The following ABCA3 variants were observed in gnomAD, a reference collection of about 807,000 sequenced individuals.
ABCA3 encodes ATP binding cassette subfamily A member 3, also known as phospholipid-transporting ATPase ABCA3.
ABCA3 carries 88 observed loss-of-function variants against 172.8 expected under a neutral mutation model. The ratio of observed to expected loss-of-function variants is 0.51; its 90% CI spans 0.43 to 0.61. The LOEUF (loss-of-function observed/expected upper bound fraction) is 0.61, where lower values mean the gene tolerates loss of function less well. Ranked by LOEUF, ABCA3 falls within the 20% of genes least tolerant of loss-of-function variation. ABCA3 has a pLI of 0.00. For synonymous variants in ABCA3, 1,066 were observed against 983.8 expected (o/e 1.08, Z -1.56); for missense variants, 2,164 against 2,301.0 (o/e 0.94, Z 1.22).
At chr16:2,316,290 C>T (rs115464529) in intron 10 of ABCA3, among the ~76,000 whole-genome samples, 1 of 87,258 alleles carries the variant, frequency 1.1e-5, no homozygotes, top group Non-Finnish European at 2.2e-5. Flanking sequence ...GCCTGGGCAA[C>T]AGAACAAGAG....
chr16:2,285,712 C>A lies in ABCA3; in HGVS notation c.3279-66G>T. On this transcript the variant is annotated intron_variant, in intron 22 of 32. Coordinates refer to ENST00000301732, the MANE Select transcript of ABCA3 (RefSeq NM_001089.3). This position sits in a 1 kb window ranked among gnomAD's most constrained non-coding sequence, Gnocchi z 4.7. ...TCTGGGTGGCAGGAGAGGTCGGGTT[C>A]TCGGTTATGACCGCCCAAGGCATGC... 6.6e-7 allele frequency: 1 copy of A among 1,510,468 alleles called. No individual in the cohort carries two copies. The highest frequency in any genetic ancestry group is 1.2e-5 in the South Asian group (1 of 82,974). 93.6% of individuals were successfully genotyped at this position (1,510,468 alleles called of 1,614,324 possible).
rs1446037913 is a variant in ABCA3 at position 2,297,544 on chromosome 16, A to G, written c.2053-5T>C. On this transcript the variant is annotated splice_region_variant and splice_polypyrimidine_tract_variant and intron_variant, in intron 16 of 32. Coordinates refer to ENST00000301732, the MANE Select transcript of ABCA3 (RefSeq NM_001089.3). The surrounding 1 kb of genome is among the most constrained non-coding windows in gnomAD (Gnocchi z 5.6). The stretch of plus-strand genomic sequence containing the variant: ...GGGCTCGTCCAGTATCAGCACCTGG[A>G]GGGAGAGACACAGTCTCGCGACGCT... The G allele has an allele frequency of 6.2e-7, 1 of 1,611,850 alleles. No homozygotes were observed.
rs530211741 is a variant in ABCA3 at position 2,325,894 on chromosome 16, C to A, written c.319+116G>T. 75 of 1,453,174 alleles carry A rather than the reference C, an allele frequency of 5.2e-5. No individual in the cohort carries two copies. The East Asian group carries it at 1.2e-3, about 24-fold the overall frequency. The allele number at this position is 1,453,174 out of a possible 1,614,324, so 90.0% of individuals were successfully genotyped here. On this transcript the variant is annotated intron_variant, in intron 5 of 32. Coordinates refer to ENST00000301732, the MANE Select transcript of ABCA3 (RefSeq NM_001089.3). ...ATGCGGGAAGAAGCAGAGGCCAAGT[C>A]TGCACAGGGTGAACTCCTCACCCAG... is the stretch of plus-strand genomic sequence containing the variant.
chr16:2,315,567 G>C (rs2093713909), intron 10 of ABCA3, among the ~76,000 whole-genome samples: 1 of 97,162 alleles, frequency 1.0e-5, no homozygotes, highest in Non-Finnish European at 2.4e-5. Flanking sequence ...CTTCAACACA[G>C]AGAAGAGTGA....
At chr16:2,295,346 G>A (rs186786359) in intron 18 of ABCA3, among the ~76,000 whole-genome samples, 1 of 152,370 alleles carries the variant, frequency 6.6e-6, no homozygotes, top group East Asian at 1.9e-4. Context: ...CCCTTTTGGT[G>A]AGTCAGATAC....
intron 11 of ABCA3, among the ~76,000 whole-genome samples, chr16:2,306,657 CT>C (rs2093698073): frequency 6.6e-6 from 1 of 152,280 alleles, no homozygotes; most frequent in African/African-American, 2.4e-5. Context: ...CCACAGCAGG[CT>C]TTGCAGAATG....
rs371567485 is a variant in ABCA3 at position 2,277,919 on chromosome 16, C to G, written c.4869G>C (p.Ala1623=). 6.2e-6 allele frequency: 10 copies of G among 1,610,926 alleles called. No homozygotes were observed. In the East Asian group the frequency reaches 2.2e-4, roughly 36 times the overall value. The change falls in exon 31 of 33, where the codon GCG becomes GCC. Residue 1623 remains alanine (A), a synonymous_variant. Transcript: ENST00000301732. This position sits in a 1 kb window ranked among gnomAD's most constrained non-coding sequence, Gnocchi z 5.3. ...AKVQSEGQQE[A]LEEFKAFVDL... ...CCACGAAGGCCTTGAACTCCTCCAG[C>G]GCCTCCTGTTGCCCTTCACTCTGCA...
intron 32 of ABCA3, 93 bp from the exon 33 acceptor site, chr16:2,276,898 G>GC: frequency 6.5e-7 from 1 of 1,546,614 alleles, no homozygotes. Context: ...GGCTGATGAG[G>GC]CCCCCACAAT....
intron 17 of ABCA3, among the ~76,000 whole-genome samples, chr16:2,296,935 C>CACAGT (rs1464662287): frequency 6.6e-6 from 1 of 152,196 alleles, no homozygotes; most frequent in Admixed American, 6.5e-5. Flanking sequence ...GCCGTAGTTG[C>CACAGT]ACAGTACAGT....
chr16:2,336,230 A>C (rs2093751511), intron 1 of ABCA3, among the ~76,000 whole-genome samples: 1 of 152,132 alleles, frequency 6.6e-6, no homozygotes, highest in South Asian at 2.1e-4. Flanking sequence ...CCGCACACCA[A>C]AACATCTTCA....
chr16:2,286,482 A>G lies in ABCA3; in HGVS notation c.3278+212T>C, dbSNP rs2141696273. On this transcript the variant is annotated intron_variant, in intron 22 of 32. Transcript: ENST00000301732. This position sits in a 1 kb window ranked among gnomAD's most constrained non-coding sequence, Gnocchi z 5.2. The stretch of plus-strand genomic sequence containing the variant: ...CGAGCCTTCATGGGTCCCCGTGAGG[A>G]CCGCAGTGCATGGGATGGCCCACAG... Among the ~76,000 whole-genome samples the G allele has an allele frequency of 6.6e-6, 1 of 152,074 alleles. No individual in the cohort carries two copies. The highest frequency in any genetic ancestry group is 2.4e-5 in the African/African-American group (1 of 41,468).
At position 2,326,344 on chromosome 16, in the gene ABCA3, C is replaced by T. The variant is rs1035746883; in HGVS notation, c.54+69G>A. 2.4e-5 allele frequency: 38 copies of T among 1,611,228 alleles called. No homozygotes were observed. The Admixed American group carries it at 6.3e-4, about 27-fold the overall frequency. ...AGCAGGGGCATGCAGACAGCCCTTC[C>T]CTCAAGGGCATCCCCAGGAGCCTCT... On this transcript the variant is annotated intron_variant, in intron 4 of 32. Coordinates refer to ENST00000301732, the MANE Select transcript of ABCA3 (RefSeq NM_001089.3).
intron 11 of ABCA3, among the ~76,000 whole-genome samples, chr16:2,305,676 C>G (rs1036848632): frequency 6.6e-6 from 1 of 152,092 alleles, no homozygotes; most frequent in Non-Finnish European, 1.5e-5. Flanking sequence ...GTAATCCACC[C>G]GTCCTCCCAA....
At chr16:2,318,569 G>A (rs1157213913) in intron 8 of ABCA3, among the ~76,000 whole-genome samples, 8 of 150,600 alleles carry the variant, frequency 5.3e-5, no homozygotes, top group African/African-American at 1.5e-4. Context: ...CTGGAGTGCA[G>A]TGGTGCGATC....
At chr16:2,322,702 T>C (rs2093728010) in intron 7 of ABCA3, among the ~76,000 whole-genome samples, 1 of 151,952 alleles carries the variant, frequency 6.6e-6, no homozygotes, top group Non-Finnish European at 1.5e-5. Flanking sequence ...ATAAAAACCC[T>C]AGAAGAAAAC....
rs2141707350 is a variant in ABCA3 at position 2,297,546 on chromosome 16, G to A, written c.2053-7C>T. ...GCTCGTCCAGTATCAGCACCTGGAG[G>A]GAGAGACACAGTCTCGCGACGCTGG... is the stretch of plus-strand genomic sequence containing the variant. On this transcript the variant is annotated splice_region_variant and splice_polypyrimidine_tract_variant and intron_variant, in intron 16 of 32. Transcript: ENST00000301732. This position sits in a 1 kb window ranked among gnomAD's most constrained non-coding sequence, Gnocchi z 5.6. 2.5e-6 allele frequency: 4 copies of A among 1,611,936 alleles called. No homozygotes were observed. The highest frequency in any genetic ancestry group is 1.9e-4 in the Middle Eastern group (1 of 5,214).
At chr16:2,328,165 AG>A (rs1202353702) in intron 3 of ABCA3, among the ~76,000 whole-genome samples, 1 of 152,230 alleles carries the variant, frequency 6.6e-6, no homozygotes, top group Non-Finnish European at 1.5e-5. Flanking sequence ...AGGTGATAGC[AG>A]AAATGAGAGC....
rs865833156 is a variant in ABCA3 at position 2,326,114 on chromosome 16, G to A, written c.215C>T (p.Pro72Leu). The change falls in exon 5 of 33, where the codon CCT (proline) becomes CTT (leucine). Residue 72 changes from proline (P) to leucine (L), a missense_variant. By Grantham distance (98) the Pro-to-Leu change is moderately conservative. This residue lies in a region of ABCA3 where 1,343 missense variants were observed against 1,369.6 expected (regional missense o/e 0.98). Transcript: ENST00000301732. ...AAGCTCCCAGGTGTCTCCTGGCGGA[G>A]GGAAGGTGAAGAACAGAGGCAGCTC... ...IQELPLFFTF[P>L]PPGDTWELAY... The A allele has an allele frequency of 3.7e-6, 6 of 1,614,052 alleles. No individual in the cohort carries two copies. The highest frequency in any genetic ancestry group is 1.3e-5 in the African/African-American group (1 of 74,940).
At chr16:2,318,269 G>A (rs1045171018) in intron 8 of ABCA3, among the ~76,000 whole-genome samples, 25 of 152,250 alleles carry the variant, frequency 1.6e-4, no homozygotes, top group Non-Finnish European at 3.1e-4. Context: ...CCTCTGCAGT[G>A]AAGGACGAGG....
Sources: allele counts gnomAD v4.1 joint callset (sites outside exome capture counted in the v4.1 genomes callset), GRCh38; gene constraint gnomAD v4.1.1; regional missense constraint gnomAD v4.1.1; non-coding constraint Gnocchi (gnomAD v3.1); transcripts MANE v1.5; gene names NCBI Gene and HGNC (gene_info 2026-07-23, HGNC 2026-07-21).